SYMPK: variants seen among roughly 807,000 people sequenced by gnomAD.
SYMPK encodes the protein symplekin.
In SYMPK, 49 loss-of-function variants were observed where a neutral mutation model predicts 136.4. The observed-to-expected ratio is 0.36, with a 90% confidence interval of 0.29 to 0.46. SYMPK has a LOEUF of 0.46. Among genes scored for constraint, SYMPK ranks in the 20% least tolerant of loss-of-function variants. The pLI is 1.00. For synonymous variants in SYMPK, 766 were observed against 713.0 expected (o/e 1.07, Z -1.19); for missense variants, 1,365 against 1,690.0 (o/e 0.81, Z 3.37).
chr19:45,858,640 C>A (rs563372520), intron 1 of SYMPK, among the ~76,000 whole-genome samples: 2 of 152,132 alleles, frequency 1.3e-5, no homozygotes, highest in East Asian at 3.8e-4. Context: ...CTCAGCCTCC[C>A]TAGTAGCTGG....
chr19:45,841,388 G>A (rs1971432517), intron 9 of SYMPK, among the ~76,000 whole-genome samples: 1 of 151,850 alleles, frequency 6.6e-6, no homozygotes, highest in Non-Finnish European at 1.5e-5. Flanking sequence ...TGCCTCCTGG[G>A]TTCAAGTGAT....
chr19:45,825,441 A>C, intron 17 of SYMPK, 110 bp from the exon 18 acceptor site: 2 of 1,363,426 alleles, frequency 1.5e-6, no homozygotes, highest in African/African-American at 2.9e-5. Flanking sequence ...CAGAGAAGGG[A>C]GCCGGGGCTG....
chr19:45,852,643 T>TA, intron 3 of SYMPK, 108 bp from the exon 4 acceptor site: 1 of 1,330,984 alleles, frequency 7.5e-7, no homozygotes, highest in Non-Finnish European at 1.1e-6. Context: ...AGGCAGCAGA[T>TA]ACACTCATTT....
intron 9 of SYMPK, among the ~76,000 whole-genome samples, chr19:45,841,725 G>A (rs1183426941): frequency 6.6e-6 from 1 of 152,060 alleles, no homozygotes; most frequent in Non-Finnish European, 1.5e-5. Context: ...ACAACCACTA[G>A]AAAATTACTT....
In SYMPK at chr19:45,821,161, A is replaced by G; in HGVS notation, c.2893+223T>C. ...CAGAGGCAGAAAAAGGTGGGTTGTA[A>G]AGGGTAAAACCTGGGAGGAAGGAAG... On this transcript the variant is annotated intron_variant, in intron 22 of 26. Transcript: ENST00000245934. The surrounding 1 kb of genome is among the most constrained non-coding windows in gnomAD (Gnocchi z 4.4). 1.7e-6 allele frequency: 1 copy of G among 575,614 alleles called. No individual in the cohort carries two copies. The highest frequency in any genetic ancestry group is 3.3e-6 in the Non-Finnish European group (1 of 304,494). The allele number at this position is 575,614 out of a possible 1,614,324, so 35.7% of individuals were successfully genotyped here.
At chr19:45,816,704 T>G (rs1600486616) in intron 24 of SYMPK, 94 bp downstream of exon 24, 2 of 1,492,490 alleles carry the variant, frequency 1.3e-6, no homozygotes, top group Non-Finnish European at 1.8e-6. Flanking sequence ...TGTGTCCGCC[T>G]CCATCCAGTC....
intron 7 of SYMPK, among the ~76,000 whole-genome samples, chr19:45,847,521 G>A (rs1971592460): frequency 6.6e-6 from 1 of 152,012 alleles, no homozygotes. Context: ...CTATGTTATC[G>A]TCTCCAATTT....
chr19:45,822,153 CTG>C, intron 21 of SYMPK, among the ~76,000 whole-genome samples: 1 of 96,918 alleles, frequency 1.0e-5, no homozygotes, highest in African/African-American at 4.6e-5. Context: ...GAGTCTCACT[CTG>C]TCATCCAGGC....
At chr19:45,854,564 G>A in intron 1 of SYMPK, 57 bp from the exon 2 acceptor site, 1 of 1,447,636 alleles carries the variant, frequency 6.9e-7, no homozygotes, top group Non-Finnish European at 9.6e-7. Flanking sequence ...GGATGGGCTG[G>A]GCTGGATTGT....
chr19:45,842,698 G>A (rs1971471788), intron 8 of SYMPK: 10 of 597,986 alleles, frequency 1.7e-5, no homozygotes, highest in Non-Finnish European at 2.8e-5. Flanking sequence ...ATCTTAAAGA[G>A]AAAAACTCAC....
rs1435104229 is a variant in SYMPK at position 45,816,042 on chromosome 19, C to A, written c.3496G>T (p.Ala1166Ser). 1 of 1,570,484 alleles carries A rather than the reference C, an allele frequency of 6.4e-7. No individual in the cohort carries two copies. The highest frequency in any genetic ancestry group is 2.3e-5 in the East Asian group (1 of 43,008). The change falls in exon 26 of 27, where the codon GCC becomes TCC. Residue 1166 changes from alanine to serine, a missense_variant. By Grantham distance (99) the Ala-to-Ser change is moderately conservative. Around this residue, in one of 11 missense-constraint regions of SYMPK, gnomAD observed 341 missense variants for 270.5 expected, o/e 1.26. Transcript: ENST00000245934. ...EQKLKPGGVGAPSSSSPSPSP... is the reference protein window; with the variant it reads ...EQKLKPGGVGSPSSSSPSPSP... ...GGAGAGGGGGAGGAAGAGGAGGGGG[C>A]TCCCACTCCTCCCGGCTTCAGCTTC...
chr19:45,861,346 A>G (rs1415932300), intron 1 of SYMPK, among the ~76,000 whole-genome samples: 1 of 152,118 alleles, frequency 6.6e-6, no homozygotes. Context: ...AAACACACAT[A>G]CACAAAATTC....
chr19:45,845,776 A>T (rs538353771), intron 7 of SYMPK, among the ~76,000 whole-genome samples: 1 of 151,948 alleles, frequency 6.6e-6, no homozygotes, highest in East Asian at 1.9e-4. Flanking sequence ...GAACCTCAAA[A>T]CTCCAAACAA....
intron 17 of SYMPK, among the ~76,000 whole-genome samples, chr19:45,825,678 G>A (rs535547764): frequency 6.2e-4 from 94 of 152,308 alleles, no homozygotes; most frequent in African/African-American, 2.2e-3. Context: ...GGGTGGCCCC[G>A]GCCCGCTGCT....
chr19:45,831,289 A>ACACACGCACACG, intron 12 of SYMPK, 95 bp downstream of exon 12: 2 of 985,538 alleles, frequency 2.0e-6, no homozygotes, highest in Non-Finnish European at 2.8e-6. Flanking sequence ...AGTTACACAC[A>ACACACGCACACG]CACACGCACA....
intron 14 of SYMPK, chr19:45,828,491 A>C (rs967372436): frequency 2.3e-5 from 4 of 176,202 alleles, no homozygotes; most frequent in Admixed American, 1.1e-4. Flanking sequence ...ACCAATGGAG[A>C]ACCATGGAAG....
intron 6 of SYMPK, 132 bp downstream of exon 6, chr19:45,848,616 ATC>A: frequency 1.6e-6 from 2 of 1,240,002 alleles, no homozygotes; most frequent in South Asian, 1.4e-5. Context: ...TCTCCATGTT[ATC>A]TGTTCCCACA....
intron 12 of SYMPK, 22 bp downstream of exon 12, chr19:45,831,362 T>C (rs1468293531): frequency 1.3e-6 from 2 of 1,512,340 alleles, no homozygotes; most frequent in Non-Finnish European, 1.8e-6. Flanking sequence ...TGTCCTGCCC[T>C]AGCACCCAGA....
intron 10 of SYMPK, among the ~76,000 whole-genome samples, chr19:45,836,900 A>G (rs1186788171): frequency 6.6e-6 from 1 of 152,172 alleles, no homozygotes; most frequent in Non-Finnish European, 1.5e-5. Context: ...ATAACTAATT[A>G]GAACAGAAAG....
Sources: allele counts gnomAD v4.1 joint callset (sites outside exome capture counted in the v4.1 genomes callset), GRCh38; gene constraint gnomAD v4.1.1; regional missense constraint gnomAD v4.1.1; non-coding constraint Gnocchi (gnomAD v3.1); transcripts MANE v1.5; gene names NCBI Gene and HGNC (gene_info 2026-07-23, HGNC 2026-07-21).